ZFPM1: variants seen among roughly 807,000 people sequenced by gnomAD.
ZFPM1 encodes the protein zinc finger protein, FOG family member 1.
A neutral mutation model predicts 46.3 loss-of-function variants in ZFPM1; 28 were observed. That is an observed-to-expected ratio of 0.60 (90% CI 0.45 to 0.83). The LOEUF is 0.83. Ranked by LOEUF, ZFPM1 falls within the 40% of genes least tolerant of loss-of-function variation. The pLI, the probability that ZFPM1 is intolerant of heterozygous loss-of-function variation, is 0.00. For synonymous variants in ZFPM1, 957 were observed against 675.9 expected (o/e 1.42, Z -6.45); for missense variants, 1,878 against 1,432.4 (o/e 1.31, Z -5.02).
At chr16:88,522,977 G>A (rs184942891) in intron 4 of ZFPM1, among the ~76,000 whole-genome samples, 4 of 152,064 alleles carry the variant, frequency 2.6e-5, no homozygotes, top group Admixed American at 6.5e-5. Flanking sequence ...AGGCCAAGGC[G>A]GGCAGATCAC....
At chr16:88,509,950 TGGGGCCTCG>T (rs1231579107) in intron 3 of ZFPM1, among the ~76,000 whole-genome samples, 3 of 152,050 alleles carry the variant, frequency 2.0e-5, no homozygotes, top group Non-Finnish European at 4.4e-5. Flanking sequence ...CAGGGGCCTC[TGGGGCCTCG>T]GGGGCAGAGC....
chr16:88,533,818 C>A lies in ZFPM1; in HGVS notation c.1860C>A (p.Gly620=), dbSNP rs1378926047. The stretch of plus-strand genomic sequence containing the variant: ...CGCGCAGGCCCAAGGCGCCCCCCGG[C>A]CCGGCCCGCGCGCCCCCCGGCCAGC... ...PAARRPKAPP[G]PARAPPGQPA... Residue 620 remains glycine (G), a synonymous_variant, in exon 10 of 10, where the codon GGC becomes GGA. Coordinates refer to ENST00000319555, the MANE Select transcript of ZFPM1 (RefSeq NM_153813.3). 10 of 1,028,812 alleles carry A rather than the reference C, an allele frequency of 9.7e-6. No homozygotes were observed. Among genetic ancestry groups the A allele is most frequent in the Non-Finnish European group, 1.2e-5 (10 of 851,990 alleles). 63.7% of individuals were successfully genotyped at this position (1,028,812 alleles called of 1,614,324 possible).
rs1368802817 is a variant in ZFPM1 at position 88,480,059 on chromosome 16, G to A, written c.41-5880G>A. ...ACGCCAGCCTTTGGCAAGACAGTTT[G>A]ATCCGCTGAAACCAGGCTCAGGGAG... On this transcript the variant is annotated intron_variant, in intron 1 of 9. Transcript: ENST00000319555. This position sits in a 1 kb window ranked among gnomAD's most constrained non-coding sequence, Gnocchi z 4.9. Among the ~76,000 whole-genome samples, 2 of 151,968 alleles carry A rather than the reference G, an allele frequency of 1.3e-5. No homozygotes were observed. The highest frequency in any genetic ancestry group is 4.8e-5 in the African/African-American group (2 of 41,328).
chr16:88,465,791 A>G (rs1276936540), intron 1 of ZFPM1, among the ~76,000 whole-genome samples: 1 of 152,170 alleles, frequency 6.6e-6, no homozygotes, highest in Non-Finnish European at 1.5e-5. Context: ...GTCTGTCTGG[A>G]TAAAGCCGCC....
At chr16:88,501,763 T>G (rs1257148040) in intron 3 of ZFPM1, among the ~76,000 whole-genome samples, 1 of 146,904 alleles carries the variant, frequency 6.8e-6, no homozygotes, top group Non-Finnish European at 1.5e-5. Context: ...CTGGTGCTGA[T>G]GATAATGGAG....
At chr16:88,496,159 T>C (rs1909919310) in intron 3 of ZFPM1, among the ~76,000 whole-genome samples, 2 of 152,164 alleles carry the variant, frequency 1.3e-5, no homozygotes, top group South Asian at 4.1e-4. Context: ...TCAGGGAGAA[T>C]TTTCCTGGTG....
chr16:88,505,011 T>C (rs1208798222), intron 3 of ZFPM1, among the ~76,000 whole-genome samples: 2 of 152,220 alleles, frequency 1.3e-5, no homozygotes. Flanking sequence ...GGGCCAGGGT[T>C]CAGCCCGATA....
chr16:88,519,628 T>C (rs1911661632), intron 4 of ZFPM1, among the ~76,000 whole-genome samples: 1 of 125,182 alleles, frequency 8.0e-6, no homozygotes, highest in Non-Finnish European at 1.7e-5. Context: ...GGATGCATGA[T>C]TAGGTGGGTG....
intron 2 of ZFPM1, among the ~76,000 whole-genome samples, chr16:88,487,053 T>C (rs1909272222): frequency 6.6e-6 from 1 of 152,140 alleles, no homozygotes; most frequent in African/African-American, 2.4e-5. Context: ...GCCAATTCCA[T>C]GGGGCAGGGC....
chr16:88,455,135 GT>G (rs1567523268), intron 1 of ZFPM1, among the ~76,000 whole-genome samples: 1,884 of 49,820 alleles, frequency 0.038, 10 homozygotes, highest in African/African-American at 0.064. Context: ...GTTCTGGGGT[GT>G]GTGTGTGTGT....
chr16:88,532,497 C>A, intron 7 of ZFPM1, 117 bp from the exon 8 acceptor site: 2 of 1,133,144 alleles, frequency 1.8e-6, no homozygotes, highest in Non-Finnish European at 2.5e-6. Flanking sequence ...TTTAAAGACC[C>A]TTCAGCACAG....
chr16:88,501,079 CG>C (rs71158732), intron 3 of ZFPM1, among the ~76,000 whole-genome samples: 17,333 of 127,046 alleles, frequency 0.14, 1,503 homozygotes, highest in East Asian at 0.2. Context: ...GTCATGGATG[CG>C]GGGGCCCTCC....
At chr16:88,466,836 C>T (rs1313168849) in intron 1 of ZFPM1, among the ~76,000 whole-genome samples, 2 of 152,172 alleles carry the variant, frequency 1.3e-5, no homozygotes, top group Admixed American at 6.5e-5. Flanking sequence ...CCGGCAGCCT[C>T]TCAGTTTCCT....
chr16:88,516,497 T>C (rs1911306897), intron 4 of ZFPM1: 1 of 398,628 alleles, frequency 2.5e-6, no homozygotes, highest in Non-Finnish European at 4.4e-6. Context: ...CCCGCTCCAC[T>C]CTTCCCTCCT....
chr16:88,463,992 C>G (rs1908014071), intron 1 of ZFPM1, among the ~76,000 whole-genome samples: 1 of 152,164 alleles, frequency 6.6e-6, no homozygotes, highest in South Asian at 2.1e-4. Context: ...CCAGGAAGTC[C>G]CAGACCATGG....
At chr16:88,524,160 AT>A (rs1199841569) in intron 4 of ZFPM1, among the ~76,000 whole-genome samples, 3 of 152,100 alleles carry the variant, frequency 2.0e-5, no homozygotes, top group Non-Finnish European at 2.9e-5. Flanking sequence ...AAGCAGATTA[AT>A]TTTTTTCACC....
chr16:88,461,549 T>G (rs916060653), intron 1 of ZFPM1, among the ~76,000 whole-genome samples: 24 of 152,258 alleles, frequency 1.6e-4, no homozygotes, highest in African/African-American at 5.5e-4. Flanking sequence ...TGAGAACACC[T>G]CCTTCCCGGC....
intron 1 of ZFPM1, among the ~76,000 whole-genome samples, chr16:88,477,304 G>T (rs1908733854): frequency 6.6e-6 from 1 of 152,256 alleles, no homozygotes; most frequent in Non-Finnish European, 1.5e-5. Flanking sequence ...GCTAGAAAGA[G>T]TAAGATTTTC....
At chr16:88,503,898 G>C (rs1021682211) in intron 3 of ZFPM1, among the ~76,000 whole-genome samples, 3 of 151,960 alleles carry the variant, frequency 2.0e-5, no homozygotes, top group Admixed American at 2.0e-4. Flanking sequence ...GGGTCAGTGA[G>C]GGCTCAGGGC....
Sources: gnomAD v4.1 joint callset for allele counts (sites outside exome capture counted in the v4.1 genomes callset) on GRCh38, gnomAD v4.1.1 for gene constraint, Gnocchi (gnomAD v3.1) non-coding constraint, MANE v1.5 for transcripts, NCBI Gene and HGNC (gene_info 2026-07-23, HGNC 2026-07-21) for gene names.